The following FMN1 variants were observed in gnomAD, a reference collection of about 807,000 sequenced individuals.
FMN1 encodes the protein formin-1.
In FMN1, 110 loss-of-function variants were observed where a neutral mutation model predicts 132.4. The ratio of observed to expected loss-of-function variants is 0.83; its 90% CI spans 0.71 to 0.97. FMN1 has a LOEUF of 0.97. Among genes scored for constraint, FMN1 ranks in the 50% least tolerant of loss-of-function variants. The pLI is 0.00. For missense variants in FMN1, 1,792 were observed against 1,705.3 expected (o/e 1.05, Z -0.90); for synonymous variants, 722 against 651.7 (o/e 1.11, Z -1.64).
At position 32,847,621 on chromosome 15, in the gene FMN1, G is replaced by A. The variant is rs1280093269; in HGVS notation, c.3928+9394C>T. Among the ~76,000 whole-genome samples, 6 of 152,126 alleles carry A rather than the reference G, an allele frequency of 3.9e-5. No individual in the cohort carries two copies. In the East Asian group the frequency reaches 7.7e-4, roughly 20 times the overall value. ...TGTAATCCCAGCACTCTAGGAGGCC[G>A]AGGTGGGCGGATCACAAGGTCAGGA... On this transcript the variant is annotated intron_variant, in intron 17 of 20. Transcript: ENST00000616417.
chr15:32,789,512 T>C lies in FMN1; in HGVS notation c.4130+9292A>G, dbSNP rs552528669. On this transcript the variant is annotated intron_variant, in intron 19 of 20. Coordinates refer to ENST00000616417, the MANE Select transcript of FMN1 (RefSeq NM_001277313.2). ...GGTCAAAGACAGACCTCATATATGA[T>C]GGTGGTCCCATAAGGTTATAATGGA... Among the ~76,000 whole-genome samples, 2 of 152,356 alleles carry C rather than the reference T, an allele frequency of 1.3e-5. 1 individual carries two copies. The highest frequency in any genetic ancestry group is 4.8e-5 in the African/African-American group (2 of 41,584).
rs931854006 is a variant in FMN1 at position 33,009,510 on chromosome 15, T to C, written c.2162-1435A>G. Among the ~76,000 whole-genome samples the C allele has an allele frequency of 3.9e-5, 6 of 152,356 alleles. No individual in the cohort carries two copies. In the East Asian group the frequency reaches 1.2e-3, roughly 29 times the overall value. ...TTGTTCATCATACTCCACCGTACAC[T>C]GGCTTTCTTGCCATTCCTTGAACTT... On this transcript the variant is annotated intron_variant, in intron 6 of 20. Transcript: ENST00000616417.
intron 12 of FMN1, among the ~76,000 whole-genome samples, chr15:32,907,213 C>T (rs185839414): frequency 1.3e-5 from 2 of 152,140 alleles, no homozygotes; most frequent in East Asian, 3.9e-4. Flanking sequence ...TACATTGTAA[C>T]ATACAATGAT....
chr15:32,912,791 G>C (rs1011666254), intron 10 of FMN1, among the ~76,000 whole-genome samples: 8 of 151,984 alleles, frequency 5.3e-5, no homozygotes, highest in East Asian at 1.9e-4. Context: ...TTTACTCATT[G>C]TGTGATCCTG....
chr15:32,982,301 C>CT, intron 7 of FMN1, among the ~76,000 whole-genome samples: 1 of 152,232 alleles, frequency 6.6e-6, no homozygotes, highest in East Asian at 1.9e-4. Flanking sequence ...AACTAGAACT[C>CT]TCAGATTGCT....
At chr15:33,067,461 C>G (rs920482852) in intron 5 of FMN1, 2 of 1,614,016 alleles carry the variant, frequency 1.2e-6, no homozygotes, top group South Asian at 1.1e-5. Context: ...GTGGTGTGCA[C>G]CAGGGTCCCA....
In FMN1 at chr15:32,769,170, A is replaced by C. The variant is rs1411192390; in HGVS notation, c.*5140T>G. 1 of 152,214 alleles carries C rather than the reference A, an allele frequency of 6.6e-6. No individual in the cohort carries two copies. Among genetic ancestry groups the C allele is most frequent in the East Asian group, 1.9e-4 (1 of 5,202 alleles). The allele number at this position is 152,214 out of a possible 1,614,324, so 9.4% of individuals were successfully genotyped here. On this transcript the variant is annotated 3_prime_UTR_variant, in exon 21 of 21. Transcript: ENST00000616417. ...ACAGTTAGCCAGCTGCCATTTTAAT[A>C]TCTTCATGTTTCCAAGTTGTTAACT... is the stretch of plus-strand genomic sequence containing the variant.
chr15:33,018,769 C>T (rs139370256), intron 6 of FMN1, among the ~76,000 whole-genome samples: 2,357 of 152,194 alleles, frequency 0.015, 49 homozygotes, highest in South Asian at 0.088. Flanking sequence ...CGGATGTGTT[C>T]GGAGTTTCTC....
intron 7 of FMN1, among the ~76,000 whole-genome samples, chr15:33,002,932 T>TCCA (rs2034200241): frequency 6.6e-6 from 1 of 152,130 alleles, no homozygotes; most frequent in African/African-American, 2.4e-5. Flanking sequence ...ATAAACACAA[T>TCCA]CCAGCATATA....
intron 17 of FMN1, among the ~76,000 whole-genome samples, chr15:32,814,535 TTG>T (rs879894598): frequency 6.6e-6 from 1 of 152,206 alleles, no homozygotes; most frequent in Admixed American, 6.5e-5. Context: ...ATATTAGGAA[TTG>T]CAAAGAAGCT....
chr15:32,857,196 T>A, intron 16 of FMN1, 89 bp from the exon 17 acceptor site: 2 of 991,272 alleles, frequency 2.0e-6, no homozygotes, highest in South Asian at 2.7e-5. Context: ...CACTTGGCTA[T>A]CAATTGTGCA....
intron 16 of FMN1, among the ~76,000 whole-genome samples, chr15:32,882,980 A>T (rs1364697274): frequency 6.6e-6 from 1 of 152,262 alleles, no homozygotes; most frequent in Non-Finnish European, 1.5e-5. Context: ...AGAAGCCAGA[A>T]TCAAAGAGGA....
intron 16 of FMN1, among the ~76,000 whole-genome samples, chr15:32,866,227 T>TA (rs761408599): frequency 0.013 from 1,163 of 92,302 alleles, 11 homozygotes; most frequent in African/African-American, 0.037. Flanking sequence ...TAAAGTATAA[T>TA]AAAAAAAAAG....
intron 4 of FMN1, among the ~76,000 whole-genome samples, chr15:33,108,009 G>A (rs189433609): frequency 6.6e-6 from 1 of 152,192 alleles, no homozygotes; most frequent in African/African-American, 2.4e-5. Context: ...GTGTTATTGG[G>A]AGTGAGGGAC....
At chr15:33,100,955 T>TA (rs1287850111) in intron 4 of FMN1, among the ~76,000 whole-genome samples, 2 of 152,186 alleles carry the variant, frequency 1.3e-5, no homozygotes, top group Non-Finnish European at 2.9e-5. Flanking sequence ...AAGTATGAAA[T>TA]ACAATTCTTA....
At chr15:33,142,066 A>G (rs1401729719) in intron 4 of FMN1, among the ~76,000 whole-genome samples, 1 of 152,198 alleles carries the variant, frequency 6.6e-6, no homozygotes, top group Non-Finnish European at 1.5e-5. Context: ...CATTCTGGTC[A>G]CCAACACGTA....
intron 3 of FMN1, among the ~76,000 whole-genome samples, chr15:33,156,866 T>C (rs1424896302): frequency 6.6e-6 from 1 of 152,088 alleles, no homozygotes; most frequent in African/African-American, 2.4e-5. Context: ...TTTGGAAAAA[T>C]AGAATGCTCT....
rs1212841075 is a variant in FMN1 at position 33,008,031 on chromosome 15, C to T, written c.2206G>A (p.Glu736Lys). ...AGGCATACCTGCAGGTTTTCAATTT[C>T]TTCTTTGTGCTCCCTCTTCAAGTGT... ...ILHLKREHKE[E>K]IENLQAQFEL... The change falls in exon 7 of 21, where the codon GAA becomes AAA. Residue 736 changes from glutamate to lysine, a missense_variant. Transcript: ENST00000616417. 1.2e-5 allele frequency: 19 copies of T among 1,600,972 alleles called. No individual in the cohort carries two copies. Among genetic ancestry groups the T allele is most frequent in the Non-Finnish European group, 1.5e-5 (18 of 1,173,088 alleles).
At chr15:33,111,685 C>T (rs1363545250) in intron 4 of FMN1, among the ~76,000 whole-genome samples, 1 of 152,098 alleles carries the variant, frequency 6.6e-6, no homozygotes, top group Non-Finnish European at 1.5e-5. Context: ...TGTGGCCAGT[C>T]ACAAAGACCA....
Sources: allele counts gnomAD v4.1 joint callset (sites outside exome capture counted in the v4.1 genomes callset), GRCh38; gene constraint gnomAD v4.1.1; transcripts MANE v1.5; gene names NCBI Gene and HGNC (gene_info 2026-07-23, HGNC 2026-07-21).